NCK1: variants seen among roughly 807,000 people sequenced by gnomAD.
NCK1 encodes NCK adaptor protein 1, also known as SH2/SH3 adapter protein NCK1.
In NCK1, 19 loss-of-function variants were observed where a neutral mutation model predicts 36.6. That is an observed-to-expected ratio of 0.52 (90% confidence interval 0.36 to 0.76). The LOEUF (loss-of-function observed/expected upper bound fraction) is 0.76. Among genes scored for constraint, NCK1 ranks in the 30% least tolerant of loss-of-function variants. NCK1 has a pLI of 0.00. For missense variants in NCK1, 358 were observed against 445.6 expected (o/e 0.80, Z 1.77); for synonymous variants, 165 against 156.0 (o/e 1.06, Z -0.43).
chr3:136,926,602 TTAAAAC>T (rs1183721288), intron 1 of NCK1, among the ~76,000 whole-genome samples: 2 of 152,104 alleles, frequency 1.3e-5, no homozygotes, highest in African/African-American at 2.4e-5. Flanking sequence ...ATGTTACTAT[TTAAAAC>T]TAAAAATCTG....
intron 1 of NCK1, among the ~76,000 whole-genome samples, chr3:136,900,365 A>G (rs1939511171): frequency 1.3e-5 from 2 of 152,150 alleles, no homozygotes; most frequent in Admixed American, 1.3e-4. Flanking sequence ...TTTTGAAGTC[A>G]GGTAGTTTTA....
intron 1 of NCK1, among the ~76,000 whole-genome samples, chr3:136,879,502 G>C (rs529543545): frequency 5.5e-4 from 83 of 152,204 alleles, no homozygotes; most frequent in African/African-American, 1.8e-3. Context: ...AGATATTATG[G>C]GTTGAGTTAT....
chr3:136,872,078 G>A (rs1482084708), intron 1 of NCK1, among the ~76,000 whole-genome samples: 1 of 152,232 alleles, frequency 6.6e-6, no homozygotes, highest in Non-Finnish European at 1.5e-5. Context: ...ACCCGAAAAT[G>A]TGGAAGCAAC....
At chr3:136,922,941 T>C (rs1010581377) in intron 1 of NCK1, among the ~76,000 whole-genome samples, 3 of 152,206 alleles carry the variant, frequency 2.0e-5, no homozygotes, top group African/African-American at 7.2e-5. Context: ...TAAGGTCTAG[T>C]TGAAGAAAGT....
chr3:136,946,126 C>T lies in NCK1; in HGVS notation c.770C>T (p.Ser257Leu), dbSNP rs376643488. The T allele has an allele frequency of 3.1e-6, 5 of 1,613,724 alleles. No homozygotes were observed. Among genetic ancestry groups the T allele is most frequent in the Non-Finnish European group, 4.2e-6 (5 of 1,179,994 alleles). Residue 257 changes from serine to leucine, a missense_variant, in exon 3 of 4, where the codon TCA (serine) becomes TTA (leucine). This residue lies in a region of NCK1 where 207 missense variants were observed against 253.4 expected (regional missense o/e 0.82). Transcript: ENST00000481752. ...GTTATGCAGAATAATCCATTAACTT[C>T]AGGTTTGGAACCATCACCTCCACAG... ...VTVMQNNPLT[S>L]GLEPSPPQCD...
At chr3:136,869,900 A>G (rs1164232056) in intron 1 of NCK1, among the ~76,000 whole-genome samples, 2 of 152,174 alleles carry the variant, frequency 1.3e-5, no homozygotes, top group Non-Finnish European at 2.9e-5. Context: ...CTGAAATTGT[A>G]AGTAATGATT....
rs747974189 is a variant in NCK1, at chr3:136,864,761, C to CT, written c.-19+2426dup. Among the ~76,000 whole-genome samples the CT allele has an allele frequency of 5.1e-3, 558 of 108,598 alleles. 3 individuals are homozygous for CT. The highest frequency in any genetic ancestry group is 0.023 in the Middle Eastern group (4 of 172). The allele number at this position is 108,598 out of a possible 152,430, so 71.2% of individuals were successfully genotyped here. ...TCATGGTTCTGGGTTTTTTTCTTTTCTTTTTTTTTTTTTTTTTTGAGACAG... is the reference window on the plus strand; with the variant it reads ...TCATGGTTCTGGGTTTTTTTCTTTTCTTTTTTTTTTTTTTTTTTTGAGACAG... On this transcript the variant is annotated intron_variant, in intron 1 of 3. Coordinates refer to ENST00000481752, the MANE Select transcript of NCK1 (RefSeq NM_001291999.2).
In NCK1 at chr3:136,950,726, G is replaced by A. The variant is rs1940951509; in HGVS notation, c.*2273G>A. ...TATCGTGACACACTACTCTGTGTAT[G>A]CTTGGTTTTAGACTAGGAGGAGAGT... is the stretch of plus-strand genomic sequence containing the variant. On this transcript the variant is annotated 3_prime_UTR_variant, in exon 4 of 4. Transcript: ENST00000481752. Among the ~76,000 whole-genome samples the A allele has an allele frequency of 6.6e-6, 1 of 152,104 alleles. No homozygotes were observed. The highest frequency in any genetic ancestry group is 1.5e-5 in the Non-Finnish European group (1 of 67,976).
chr3:136,867,394 A>G (rs1422530360), intron 1 of NCK1: 5 of 145,496 alleles, frequency 3.4e-5, no homozygotes, highest in African/African-American at 2.5e-5. Context: ...GTGTGCATCA[A>G]TGTCTGGCTA....
intron 1 of NCK1, among the ~76,000 whole-genome samples, chr3:136,911,815 T>C (rs1401332554): frequency 1.3e-5 from 2 of 152,210 alleles, no homozygotes; most frequent in Admixed American, 6.5e-5. Flanking sequence ...TCATAATTTT[T>C]CCCTCACTTT....
chr3:136,932,627 C>G (rs113257107), intron 2 of NCK1, among the ~76,000 whole-genome samples: 5 of 152,282 alleles, frequency 3.3e-5, no homozygotes, highest in African/African-American at 9.6e-5. Flanking sequence ...GCCATGTGGC[C>G]TGCAAAATAT....
chr3:136,894,240 G>C (rs1343355962), intron 1 of NCK1, among the ~76,000 whole-genome samples: 1 of 152,208 alleles, frequency 6.6e-6, no homozygotes, highest in African/African-American at 2.4e-5. Flanking sequence ...TAGTACAGCA[G>C]AGATTTTAAA....
chr3:136,863,314 G>A lies in NCK1; in HGVS notation c.-19+961G>A, dbSNP rs577004674. Among the ~76,000 whole-genome samples, 17 of 152,274 alleles carry A rather than the reference G, an allele frequency of 1.1e-4. No individual in the cohort carries two copies. The South Asian group carries it at 2.5e-3, about 22-fold the overall frequency. On this transcript the variant is annotated intron_variant, in intron 1 of 3. Transcript: ENST00000481752. ...TTTTTAAAATTTTACTTTGATAGAC[G>A]TATGACAAACCAACTATAACGATTT...
intron 1 of NCK1, among the ~76,000 whole-genome samples, chr3:136,897,841 G>C (rs1560039908): frequency 6.6e-6 from 1 of 152,126 alleles, no homozygotes; most frequent in African/African-American, 2.4e-5. Context: ...TTGATCAGAA[G>C]CTAGTTGAAA....
chr3:136,923,602 C>T (rs897194425), intron 1 of NCK1, among the ~76,000 whole-genome samples: 10 of 124,722 alleles, frequency 8.0e-5, no homozygotes, highest in African/African-American at 3.2e-4. Context: ...AAATGGCTGT[C>T]CAGTGGGGTG....
intron 1 of NCK1, among the ~76,000 whole-genome samples, chr3:136,880,930 A>T (rs776700361): frequency 6.6e-6 from 1 of 152,100 alleles, no homozygotes; most frequent in Non-Finnish European, 1.5e-5. Flanking sequence ...TGATCCCTTC[A>T]TTCTTAAAGT....
intron 1 of NCK1, among the ~76,000 whole-genome samples, chr3:136,881,275 A>G (rs569733794): frequency 3.3e-5 from 5 of 152,222 alleles, no homozygotes; most frequent in Non-Finnish European, 7.4e-5. Context: ...GCTGGAGTGC[A>G]GTGGTGCAAT....
chr3:136,888,874 T>C (rs1048027339), intron 1 of NCK1, among the ~76,000 whole-genome samples: 1 of 151,912 alleles, frequency 6.6e-6, no homozygotes, highest in Admixed American at 6.6e-5. Flanking sequence ...TTGTTTGTTT[T>C]GTTTTTTTCT....
At chr3:136,930,140 C>T (rs1260482718) in intron 2 of NCK1, among the ~76,000 whole-genome samples, 1 of 152,066 alleles carries the variant, frequency 6.6e-6, no homozygotes, top group Non-Finnish European at 1.5e-5. Flanking sequence ...ATTTCTGTAT[C>T]CCTTTTTGGT....
Sources: allele counts gnomAD v4.1 joint callset (sites outside exome capture counted in the v4.1 genomes callset), GRCh38; gene constraint gnomAD v4.1.1; regional missense constraint gnomAD v4.1.1; transcripts MANE v1.5; gene names NCBI Gene and HGNC (gene_info 2026-07-23, HGNC 2026-07-21).